SLC25A21: variants seen among roughly 807,000 people sequenced by gnomAD.
SLC25A21 encodes the protein mitochondrial 2-oxodicarboxylate carrier.
SLC25A21 carries 47 observed loss-of-function variants against 43.8 expected under a neutral mutation model. That is an observed-to-expected ratio of 1.07 (90% CI 0.85 to 1.37). SLC25A21 has a LOEUF of 1.37. Ranked by LOEUF, SLC25A21 falls within the 40% of genes most tolerant of loss-of-function variation. The pLI is 0.00. For synonymous variants in SLC25A21, 131 were observed against 121.3 expected, an observed-to-expected ratio of 1.08 and a Z score of -0.52; for missense variants, 352 against 350.2, an observed-to-expected ratio of 1.00 and a Z score of -0.04.
At chr14:37,164,299 T>G (rs35424693) in intron 1 of SLC25A21, among the ~76,000 whole-genome samples, 43,080 of 152,104 alleles carry the variant, frequency 0.28, 6,274 homozygotes, top group South Asian at 0.31. Context: ...AAAGGTATTT[T>G]ATAATTAATT....
At chr14:37,034,354 T>C (rs902651312) in intron 1 of SLC25A21, among the ~76,000 whole-genome samples, 2 of 152,154 alleles carry the variant, frequency 1.3e-5, no homozygotes, top group African/African-American at 4.8e-5. Flanking sequence ...AAACCCACTA[T>C]AAAGGATGAA....
At chr14:37,106,957 CA>C (rs1350939015) in intron 1 of SLC25A21, among the ~76,000 whole-genome samples, 1 of 152,158 alleles carries the variant, frequency 6.6e-6, no homozygotes, top group Non-Finnish European at 1.5e-5. Context: ...TACAAACAAA[CA>C]AATAATTAAC....
rs553866374 is a variant in SLC25A21, at chr14:36,898,317, G to A, written c.71-23313C>T. ...TAGCAATGAGCGAGGCTCTGTGGGC[G>A]TAGGACCCTCCGATCCAGGCACAGG... On this transcript the variant is annotated intron_variant, in intron 1 of 9. Transcript: ENST00000331299. Among the ~76,000 whole-genome samples, 15 of 152,294 alleles carry A rather than the reference G, an allele frequency of 9.8e-5. No homozygotes were observed. The East Asian group carries it at 1.2e-3, about 12-fold the overall frequency.
intron 1 of SLC25A21, among the ~76,000 whole-genome samples, chr14:37,029,460 A>G (rs919353449): frequency 1.5e-4 from 23 of 152,206 alleles, no homozygotes; most frequent in African/African-American, 5.5e-4. Flanking sequence ...TTTTACAACG[A>G]AAGCTGGGCA....
intron 1 of SLC25A21, among the ~76,000 whole-genome samples, chr14:37,087,730 G>C (rs147367194): frequency 2.0e-5 from 3 of 152,300 alleles, no homozygotes; most frequent in African/African-American, 7.2e-5. Flanking sequence ...AGCCAGAAAA[G>C]AGACAACCAT....
At chr14:37,034,248 C>T (rs1450654139) in intron 1 of SLC25A21, among the ~76,000 whole-genome samples, 4 of 152,054 alleles carry the variant, frequency 2.6e-5, no homozygotes, top group East Asian at 1.9e-4. Flanking sequence ...GAATTCCTGA[C>T]GTTCAAGTGA....
intron 1 of SLC25A21, among the ~76,000 whole-genome samples, chr14:37,156,504 A>T (rs570248261): frequency 6.6e-6 from 1 of 152,286 alleles, no homozygotes; most frequent in South Asian, 2.1e-4. Flanking sequence ...TTTAAAAACT[A>T]TCTTCCAACT....
intron 1 of SLC25A21, among the ~76,000 whole-genome samples, chr14:37,141,951 G>T (rs1963579158): frequency 6.6e-6 from 1 of 152,156 alleles, no homozygotes; most frequent in South Asian, 2.1e-4. Context: ...ATTCCCAGAG[G>T]TTCTGATGTA....
rs192407737 is a variant in SLC25A21, at chr14:37,088,312, G to A, written c.70+83969C>T. ...TGCTTTTATAGGATTCACTTTTAAA[G>A]AAAGTAGAGGAACAAGACACCTAAT... is the stretch of plus-strand genomic sequence containing the variant. On this transcript the variant is annotated intron_variant, in intron 1 of 9. Coordinates refer to ENST00000331299, the MANE Select transcript of SLC25A21 (RefSeq NM_030631.4). Among the ~76,000 whole-genome samples, 846 of 152,190 alleles carry A rather than the reference G, an allele frequency of 5.6e-3. 5 individuals are homozygous for A. The highest frequency in any genetic ancestry group is 0.014 in the African/African-American group (599 of 41,540).
intron 2 of SLC25A21, among the ~76,000 whole-genome samples, chr14:36,822,986 T>G (rs1399587274): frequency 6.6e-6 from 1 of 152,220 alleles, no homozygotes; most frequent in African/African-American, 2.4e-5. Context: ...TTTGTACATC[T>G]TTCACAATTA....
intron 1 of SLC25A21, among the ~76,000 whole-genome samples, chr14:37,063,325 C>T (rs1394267545): frequency 7.2e-5 from 11 of 151,966 alleles, no homozygotes. Context: ...CATGGTGAAA[C>T]CCCGTCTCTA....
At chr14:36,793,674 T>C (rs927907101) in intron 3 of SLC25A21, among the ~76,000 whole-genome samples, 2 of 152,094 alleles carry the variant, frequency 1.3e-5, no homozygotes, top group Non-Finnish European at 1.5e-5. Context: ...ATTGTGTACA[T>C]CCCCAGGGTC....
chr14:37,170,536 A>G (rs1225193302), intron 1 of SLC25A21, among the ~76,000 whole-genome samples: 1 of 152,170 alleles, frequency 6.6e-6, no homozygotes, highest in Non-Finnish European at 1.5e-5. Flanking sequence ...TACAGAAGAC[A>G]GAACCTTAGG....
At chr14:36,844,836 C>T (rs1410913867) in intron 2 of SLC25A21, among the ~76,000 whole-genome samples, 2 of 152,142 alleles carry the variant, frequency 1.3e-5, no homozygotes, top group African/African-American at 4.8e-5. Context: ...TAATCATGAG[C>T]CTGAGAGACT....
At chr14:36,998,519 C>A (rs1037118702) in intron 1 of SLC25A21, among the ~76,000 whole-genome samples, 6 of 152,060 alleles carry the variant, frequency 3.9e-5, no homozygotes, top group African/African-American at 1.4e-4. Flanking sequence ...CTAAACTGGA[C>A]AACCACACTC....
intron 1 of SLC25A21, among the ~76,000 whole-genome samples, chr14:36,952,905 C>T (rs548876249): frequency 4.6e-5 from 7 of 152,270 alleles, no homozygotes; most frequent in African/African-American, 1.2e-4. Context: ...TCTCAAATGA[C>T]GGGCTATTTA....
intron 1 of SLC25A21, among the ~76,000 whole-genome samples, chr14:37,010,160 C>T (rs1469190824): frequency 1.3e-5 from 2 of 152,116 alleles, no homozygotes; most frequent in South Asian, 2.1e-4. Context: ...TAAGATGAAA[C>T]GTGTAACCAA....
chr14:36,849,684 C>G (rs923907090), intron 2 of SLC25A21, among the ~76,000 whole-genome samples: 6 of 152,102 alleles, frequency 3.9e-5, no homozygotes. Flanking sequence ...AAGCTTGAAG[C>G]TGTGCCAATA....
chr14:37,042,366 A>C (rs1329449276), intron 1 of SLC25A21, among the ~76,000 whole-genome samples: 1 of 152,198 alleles, frequency 6.6e-6, no homozygotes, highest in Non-Finnish European at 1.5e-5. Context: ...ATTTCTTCTA[A>C]GTGGAGAACC....
Sources: gnomAD v4.1 joint callset for allele counts (sites outside exome capture counted in the v4.1 genomes callset) on GRCh38, gnomAD v4.1.1 for gene constraint, MANE v1.5 for transcripts, NCBI Gene and HGNC (gene_info 2026-07-23, HGNC 2026-07-21) for gene names.